The following ZNF100 variants were observed in gnomAD, a reference collection of about 807,000 sequenced individuals.
ZNF100 encodes the protein zinc finger protein 100.
In ZNF100, 12 loss-of-function variants were observed where a neutral mutation model predicts 15.8. The ratio of observed to expected loss-of-function variants is 0.76; its 90% confidence interval spans 0.49 to 1.23. ZNF100 has a LOEUF of 1.23. Ranked by LOEUF, ZNF100 falls within the 50% of genes most tolerant of loss-of-function variation. The probability of loss-of-function intolerance (pLI) is 0.00; values close to 1 mark genes in which losing one functional copy is unlikely to be tolerated. For synonymous variants in ZNF100, 226 were observed against 214.8 expected (o/e 1.05, Z -0.45); for missense variants, 670 against 635.6 (o/e 1.05, Z -0.58).
Position 21,765,786 on chromosome 19 carries a change from C to T in ZNF100, c.4G>A (p.Asp2Asn). 6.2e-7 allele frequency: 1 copy of T among 1,614,042 alleles called. No individual in the cohort carries two copies. Among genetic ancestry groups the T allele is most frequent in the African/African-American group, 1.3e-5 (1 of 75,048 alleles). Residue 2 changes from aspartate (D) to asparagine (N), a missense_variant and splice_region_variant, in exon 2 of 5, where the codon GAT becomes AAT. Transcript: ENST00000358296. The stretch of plus-strand genomic sequence containing the variant: ...GGACACATTCCATACCTCGGGTCAT[C>T]CTACGGGAGAAAATAAACCAGAAGC... M[D>N]DPRYGMCPLK...
At chr19:21,744,912 T>A (rs189790582) in intron 3 of ZNF100, 29 bp downstream of exon 3, 7 of 1,595,942 alleles carry the variant, frequency 4.4e-6, no homozygotes, top group Middle Eastern at 1.7e-4. Context: ...TACGGTATAT[T>A]AGAAATTGTG....
chr19:21,742,376 C>CTTTTTTT (rs59997375), intron 4 of ZNF100, among the ~76,000 whole-genome samples: 1 of 86,134 alleles, frequency 1.2e-5, no homozygotes, highest in African/African-American at 4.0e-5. Flanking sequence ...TTTTCTTTTT[C>CTTTTTTT]TTTTTTTTTT....
chr19:21,728,889 T>A (rs1568289667), intron 4 of ZNF100, among the ~76,000 whole-genome samples: 1 of 149,792 alleles, frequency 6.7e-6, no homozygotes, highest in African/African-American at 2.5e-5. Context: ...CTATAGAAAA[T>A]CAGAAAAATG....
intron 4 of ZNF100, among the ~76,000 whole-genome samples, chr19:21,733,447 A>C (rs998870727): frequency 1.3e-5 from 2 of 152,040 alleles, no homozygotes; most frequent in Non-Finnish European, 2.9e-5. Context: ...AGATGATTAC[A>C]TTATACTTCT....
chr19:21,752,273 A>G (rs530659584), intron 2 of ZNF100: 1 of 152,810 alleles, frequency 6.5e-6, no homozygotes, highest in African/African-American at 2.4e-5. Context: ...GACATTAACC[A>G]TATAACTTTT....
chr19:21,726,855 T>C lies in ZNF100; in HGVS notation c.1457A>G (p.Lys486Arg), dbSNP rs996191618. ...KMIHTGEKPYKCEECGKAFNR... is the reference protein window; with the variant it reads ...KMIHTGEKPYRCEECGKAFNR... The stretch of plus-strand genomic sequence containing the variant: ...AAAAGCTTTGCCACATTCCTCACAT[T>C]TGTAGGGTTTCTCTCCAGTATGAAT... Residue 486 changes from lysine (K) to arginine (R), a missense_variant, in exon 5 of 5, where the codon AAA becomes AGA. By Grantham distance (26) the Lys-to-Arg change is conservative. Coordinates refer to ENST00000358296, the MANE Select transcript of ZNF100 (RefSeq NM_173531.4). The C allele has an allele frequency of 1.2e-6, 2 of 1,613,394 alleles. No homozygotes were observed. Among genetic ancestry groups the C allele is most frequent in the Non-Finnish European group, 8.5e-7 (1 of 1,179,750 alleles).
At chr19:21,751,312 T>G in intron 2 of ZNF100, 1 of 903,262 alleles carries the variant, frequency 1.1e-6, no homozygotes, top group South Asian at 1.3e-5. Context: ...AGAACAGAGA[T>G]GCAAACAGAT....
intron 4 of ZNF100, among the ~76,000 whole-genome samples, chr19:21,740,144 G>A (rs1247306820): frequency 6.6e-6 from 1 of 152,106 alleles, no homozygotes; most frequent in Admixed American, 6.5e-5. Flanking sequence ...AGATGAAAGA[G>A]CAGAATAGAG....
chr19:21,761,348 G>C (rs1029950594), intron 2 of ZNF100, among the ~76,000 whole-genome samples: 1 of 152,148 alleles, frequency 6.6e-6, no homozygotes, highest in African/African-American at 2.4e-5. Flanking sequence ...AGTGCAATAA[G>C]AAACTGTTTT....
chr19:21,751,093 C>G, intron 2 of ZNF100: 1 of 1,432,578 alleles, frequency 7.0e-7, no homozygotes, highest in Non-Finnish European at 9.8e-7. Context: ...CCCTTCTGAC[C>G]ATCCAAGGGC....
chr19:21,751,141 C>T (rs10423041), intron 2 of ZNF100: 1,109,754 of 1,363,364 alleles, frequency 0.81, 457,137 homozygotes, highest in Non-Finnish European at 0.85. Context: ...AACCGATGTG[C>T]GAGACAAGAG....
chr19:21,743,503 T>C (rs1243301337), intron 4 of ZNF100, among the ~76,000 whole-genome samples: 2 of 152,152 alleles, frequency 1.3e-5, no homozygotes, highest in Non-Finnish European at 2.9e-5. Flanking sequence ...AGAGGGGTAT[T>C]ATACTTTATA....
chr19:21,764,959 G>T (rs745839297), intron 2 of ZNF100, among the ~76,000 whole-genome samples: 1 of 152,032 alleles, frequency 6.6e-6, no homozygotes, highest in Non-Finnish European at 1.5e-5. Flanking sequence ...GAGAGATTTT[G>T]CCTGGGAGCA....
chr19:21,752,507 A>T (rs2036325311), intron 2 of ZNF100: 1 of 152,776 alleles, frequency 6.5e-6, no homozygotes, highest in South Asian at 2.1e-4. Context: ...TTTGTCATTC[A>T]TATTCTTTGC....
intron 4 of ZNF100, among the ~76,000 whole-genome samples, chr19:21,739,342 G>A (rs766437140): frequency 2.0e-5 from 3 of 152,146 alleles, no homozygotes; most frequent in Non-Finnish European, 4.4e-5. Context: ...GATCACTTGG[G>A]ACCACAAGTA....
intron 2 of ZNF100, among the ~76,000 whole-genome samples, chr19:21,765,150 T>A (rs1874718028): frequency 6.6e-6 from 1 of 152,218 alleles, no homozygotes; most frequent in South Asian, 2.1e-4. Flanking sequence ...ATGACCTTTG[T>A]AAATATTTTT....
chr19:21,760,206 A>T (rs971962502), intron 2 of ZNF100, among the ~76,000 whole-genome samples: 2 of 149,274 alleles, frequency 1.3e-5, no homozygotes, highest in African/African-American at 4.9e-5. Context: ...GGAAATTGCT[A>T]TTATTCTAAT....
intron 2 of ZNF100, among the ~76,000 whole-genome samples, chr19:21,765,418 T>C (rs534675996): frequency 2.6e-5 from 4 of 152,312 alleles, no homozygotes; most frequent in African/African-American, 9.6e-5. Flanking sequence ...CCAGGTGCAT[T>C]TTACTTTGCA....
chr19:21,730,783 C>T (rs1028059738), intron 4 of ZNF100, among the ~76,000 whole-genome samples: 1 of 151,946 alleles, frequency 6.6e-6, no homozygotes, highest in African/African-American at 2.4e-5. Context: ...TTTGTTAAGA[C>T]TGAGATTGTA....
Sources: allele counts gnomAD v4.1 joint callset (sites outside exome capture counted in the v4.1 genomes callset), GRCh38; gene constraint gnomAD v4.1.1; transcripts MANE v1.5; gene names NCBI Gene and HGNC (gene_info 2026-07-23, HGNC 2026-07-21).